The following PDE4B variants were observed in gnomAD, a reference collection of about 807,000 sequenced individuals.
The protein encoded by PDE4B is 3',5'-cyclic-AMP phosphodiesterase 4B.
A neutral mutation model predicts 82.2 loss-of-function variants in PDE4B; 20 were observed. The observed-to-expected ratio is 0.24, with a 90% confidence interval of 0.17 to 0.35. The LOEUF (loss-of-function observed/expected upper bound fraction) is 0.35, where lower values mean the gene tolerates loss of function less well. Among genes scored for constraint, PDE4B ranks in the 10% least tolerant of loss-of-function variants. The pLI is 1.00. For missense variants in PDE4B, 655 were observed against 907.2 expected (o/e 0.72, Z 3.57); for synonymous variants, 320 against 318.9 (o/e 1.00, Z -0.04).
At chr1:66,206,037 CA>C (rs1649520691) in intron 3 of PDE4B, among the ~76,000 whole-genome samples, 1 of 152,194 alleles carries the variant, frequency 6.6e-6, no homozygotes, top group Non-Finnish European at 1.5e-5. Flanking sequence ...GGGGTTTCTA[CA>C]CTATGATCTC....
chr1:66,330,303 G>GT (rs1352888197), intron 7 of PDE4B, among the ~76,000 whole-genome samples: 1 of 152,226 alleles, frequency 6.6e-6, no homozygotes, highest in African/African-American at 2.4e-5. Flanking sequence ...ACCAACTCTA[G>GT]AAGTACCTGA....
intron 3 of PDE4B, among the ~76,000 whole-genome samples, chr1:66,160,972 C>G (rs1646600818): frequency 6.6e-6 from 1 of 152,214 alleles, no homozygotes; most frequent in African/African-American, 2.4e-5. Flanking sequence ...GATCAGACTC[C>G]TATCCTAAAA....
At chr1:66,337,832 C>T (rs1289722545) in intron 8 of PDE4B, among the ~76,000 whole-genome samples, 4 of 152,136 alleles carry the variant, frequency 2.6e-5, no homozygotes, top group East Asian at 1.9e-4. Flanking sequence ...ACTTTTCTCT[C>T]TTTACTGCTC....
chr1:66,371,094 C>A (rs1356950145), intron 16 of PDE4B, among the ~76,000 whole-genome samples: 33 of 74,820 alleles, frequency 4.4e-4, no homozygotes, highest in Non-Finnish European at 6.8e-4. Context: ...ACACATCATA[C>A]TATATATATA....
chr1:66,018,159 TG>T (rs1374656504), intron 3 of PDE4B, among the ~76,000 whole-genome samples: 2 of 152,178 alleles, frequency 1.3e-5, no homozygotes, highest in African/African-American at 4.8e-5. Context: ...GGCTCACACC[TG>T]TAATCCCAGC....
chr1:65,970,325 C>A (rs1383190256), intron 3 of PDE4B, among the ~76,000 whole-genome samples: 1 of 151,716 alleles, frequency 6.6e-6, no homozygotes, highest in African/African-American at 2.4e-5. Context: ...ACATTTTGGA[C>A]TACATGTCCA....
intron 3 of PDE4B, chr1:65,993,141 T>C: frequency 1.2e-6 from 2 of 1,610,304 alleles, no homozygotes; most frequent in Middle Eastern, 1.7e-4. Flanking sequence ...GGCTCATACA[T>C]GGTAAGATAA....
chr1:65,972,132 A>G (rs749210170), intron 3 of PDE4B, among the ~76,000 whole-genome samples: 11 of 152,122 alleles, frequency 7.2e-5, no homozygotes, highest in Non-Finnish European at 1.6e-4. Flanking sequence ...TTTTAAACTT[A>G]TATGTTTTGA....
intron 1 of PDE4B, among the ~76,000 whole-genome samples, chr1:65,812,961 A>T (rs1187187840): frequency 6.6e-6 from 1 of 152,194 alleles, no homozygotes; most frequent in African/African-American, 2.4e-5. Context: ...AAGAATGAAG[A>T]TAAGGACACT....
At chr1:66,191,321 A>G (rs1018899187) in intron 3 of PDE4B, among the ~76,000 whole-genome samples, 1 of 152,192 alleles carries the variant, frequency 6.6e-6, no homozygotes, top group African/African-American at 2.4e-5. Context: ...TTAATACTTT[A>G]AACACTTAAG....
chr1:66,172,649 A>C (rs1646858996), intron 3 of PDE4B, among the ~76,000 whole-genome samples: 1 of 152,180 alleles, frequency 6.6e-6, no homozygotes, highest in Non-Finnish European at 1.5e-5. Context: ...AATTCTGACT[A>C]TTGTAAGATG....
At position 66,330,196 on chromosome 1, in the gene PDE4B, T is replaced by A. The variant is rs114284510; in HGVS notation, c.635-2312T>A. On this transcript the variant is annotated intron_variant, in intron 7 of 16. Coordinates refer to ENST00000341517, the MANE Select transcript of PDE4B (RefSeq NM_002600.4). ...TAACATTGCTTCAAAATGTATTAATTTTTGCTTAAACATTTTGATGGCTGA... is the reference window on the plus strand; with the variant it reads ...TAACATTGCTTCAAAATGTATTAATATTTGCTTAAACATTTTGATGGCTGA... Among the ~76,000 whole-genome samples, 690 of 152,322 alleles carry A rather than the reference T, an allele frequency of 4.5e-3. 3 individuals are homozygous for A. Among genetic ancestry groups the A allele is most frequent in the Non-Finnish European group, 7.8e-3 (530 of 68,020 alleles).
intron 13 of PDE4B, 88 bp from the exon 14 acceptor site, chr1:66,367,608 G>A: frequency 9.3e-7 from 1 of 1,076,762 alleles, no homozygotes. Context: ...AATTTGGAGA[G>A]AACTAGGTCT....
intron 7 of PDE4B, among the ~76,000 whole-genome samples, chr1:66,275,438 A>G (rs971385164): frequency 6.6e-6 from 1 of 152,126 alleles, no homozygotes; most frequent in African/African-American, 2.4e-5. Context: ...TTTGGGAAAA[A>G]CTTTACACCC....
intron 3 of PDE4B, among the ~76,000 whole-genome samples, chr1:66,017,105 C>A (rs1652821772): frequency 6.6e-6 from 1 of 152,134 alleles, no homozygotes; most frequent in East Asian, 1.9e-4. Flanking sequence ...CCTATATAAG[C>A]AATTCTTTGC....
intron 3 of PDE4B, among the ~76,000 whole-genome samples, chr1:65,993,521 T>C (rs1255749801): frequency 6.6e-6 from 1 of 152,196 alleles, no homozygotes; most frequent in Non-Finnish European, 1.5e-5. Flanking sequence ...AAAAATAATT[T>C]TGGGACATGA....
chr1:65,900,825 G>T (rs1200296275), intron 1 of PDE4B, among the ~76,000 whole-genome samples: 3 of 152,086 alleles, frequency 2.0e-5, no homozygotes, highest in Non-Finnish European at 4.4e-5. Context: ...AAACTTTACT[G>T]AAGTCATTTA....
chr1:66,005,526 C>T (rs1465223214), intron 3 of PDE4B, among the ~76,000 whole-genome samples: 1 of 152,064 alleles, frequency 6.6e-6, no homozygotes, highest in Non-Finnish European at 1.5e-5. Context: ...CACTTGGCAA[C>T]TTAAAGGCAG....
At chr1:66,207,617 A>G (rs964567356) in intron 3 of PDE4B, among the ~76,000 whole-genome samples, 1 of 152,214 alleles carries the variant, frequency 6.6e-6, no homozygotes, top group African/African-American at 2.4e-5. Context: ...AGTTACTGGG[A>G]AACATAGTCT....
Sources: allele counts gnomAD v4.1 joint callset (sites outside exome capture counted in the v4.1 genomes callset), GRCh38; gene constraint gnomAD v4.1.1; transcripts MANE v1.5; gene names NCBI Gene and HGNC (gene_info 2026-07-23, HGNC 2026-07-21).